Variants in DGKD observed in about 807,000 individuals in gnomAD.
The protein encoded by DGKD is diacylglycerol kinase delta, also known as DAG kinase delta.
A neutral mutation model predicts 154.4 loss-of-function variants in DGKD; 68 were observed. That is an observed-to-expected ratio of 0.44 (90% CI 0.36 to 0.54). The LOEUF is 0.54. Ranked by LOEUF, DGKD falls within the 20% of genes least tolerant of loss-of-function variation. The probability of loss-of-function intolerance (pLI) is 0.00; values close to 1 mark genes in which losing one functional copy is unlikely to be tolerated. For missense variants in DGKD, 1,343 were observed against 1,593.6 expected (o/e 0.84, Z 2.68); for synonymous variants, 693 against 638.0 (o/e 1.09, Z -1.30).
intron 3 of DGKD, among the ~76,000 whole-genome samples, chr2:233,425,652 A>G (rs546503480): frequency 2.6e-5 from 4 of 152,270 alleles, no homozygotes; most frequent in South Asian, 2.1e-4. Context: ...TCTTCCTGCA[A>G]TTGGCTTTTA....
At chr2:233,359,599 C>T (rs1225722399) in intron 1 of DGKD, among the ~76,000 whole-genome samples, 1 of 151,338 alleles carries the variant, frequency 6.6e-6, no homozygotes, top group African/African-American at 2.4e-5. Context: ...AGAGCAAATA[C>T]AAACAAATCT....
At position 233,354,679 on chromosome 2, in the gene DGKD, G is replaced by T; in HGVS notation, c.156+5G>T. On this transcript the variant is annotated splice_donor_5th_base_variant and intron_variant, in intron 1 of 29. Coordinates refer to ENST00000264057, the MANE Select transcript of DGKD (RefSeq NM_152879.3). The surrounding 1 kb of genome is among the most constrained non-coding windows in gnomAD (Gnocchi z 4.8). ...TCGGGTCAGATCCGACAGAAGGTGA[G>T]CCCGCGGCGCGGCGGCCCGGGCGCG... 1.0e-6 allele frequency: 1 copy of T among 1,002,708 alleles called. No homozygotes were observed. Among genetic ancestry groups the T allele is most frequent in the South Asian group, 3.6e-5 (1 of 27,486 alleles). The allele number at this position is 1,002,708 out of a possible 1,614,324, so 62.1% of individuals were successfully genotyped here. A position where few individuals can be genotyped will look rare whatever the true frequency, so the allele number is the denominator to read the frequency against.
At chr2:233,404,809 T>C (rs2061644403) in intron 3 of DGKD, among the ~76,000 whole-genome samples, 1 of 152,210 alleles carries the variant, frequency 6.6e-6, no homozygotes, top group Admixed American at 6.5e-5. Flanking sequence ...GGTGAACGTC[T>C]GCTGTTCCAG....
intron 19 of DGKD, 67 bp downstream of exon 19, chr2:233,454,940 CAGA>C: frequency 9.7e-7 from 1 of 1,031,742 alleles, no homozygotes; most frequent in Non-Finnish European, 1.5e-6. Context: ...CAGACAGTAG[CAGA>C]TTTCTGGAGT....
intron 2 of DGKD, among the ~76,000 whole-genome samples, chr2:233,389,794 G>C (rs1703467710): frequency 6.6e-6 from 1 of 152,156 alleles, no homozygotes; most frequent in Non-Finnish European, 1.5e-5. Context: ...GAGGGAGACG[G>C]GGGAGGTCCC....
chr2:233,360,169 C>T (rs1230820646), intron 1 of DGKD, among the ~76,000 whole-genome samples: 2 of 152,150 alleles, frequency 1.3e-5, no homozygotes, highest in South Asian at 2.1e-4. Context: ...TCTGTAGTGG[C>T]GTCTGTAGTG....
chr2:233,367,377 C>T (rs1487161555), intron 1 of DGKD, among the ~76,000 whole-genome samples: 4 of 152,124 alleles, frequency 2.6e-5, no homozygotes, highest in South Asian at 2.1e-4. Context: ...TACAGGCGCC[C>T]GCCACCATGC....
intron 1 of DGKD, among the ~76,000 whole-genome samples, chr2:233,375,552 C>T (rs543828117): frequency 3.4e-4 from 51 of 152,138 alleles, no homozygotes; most frequent in Middle Eastern, 6.8e-3. Flanking sequence ...GCAGCACTGC[C>T]GCATTGTTCT....
At position 233,467,223 on chromosome 2, in the gene DGKD, G is replaced by A. The variant is rs202245032; in HGVS notation, c.3424+20G>A. 1,648 of 1,566,682 alleles carry A rather than the reference G, an allele frequency of 1.1e-3. 2 individuals carry two copies. Among genetic ancestry groups the A allele is most frequent in the Non-Finnish European group, 1.3e-3 (1,527 of 1,136,910 alleles). ...CCCCGGGTACCTGCCTCTCTCCCGCGTGTGTTTCTGGCCGTCCACGCCTGC... is the reference window on the plus strand; with the variant it reads ...CCCCGGGTACCTGCCTCTCTCCCGCATGTGTTTCTGGCCGTCCACGCCTGC... On this transcript the variant is annotated intron_variant, in intron 28 of 29. Coordinates refer to ENST00000264057, the MANE Select transcript of DGKD (RefSeq NM_152879.3).
At chr2:233,369,392 C>T (rs1702199557) in intron 1 of DGKD, among the ~76,000 whole-genome samples, 1 of 152,126 alleles carries the variant, frequency 6.6e-6, no homozygotes, top group Non-Finnish European at 1.5e-5. Flanking sequence ...AGCTTGTTGT[C>T]TTTTAATTTC....
intron 1 of DGKD, among the ~76,000 whole-genome samples, chr2:233,387,227 C>T (rs902276605): frequency 7.9e-5 from 12 of 152,190 alleles, no homozygotes; most frequent in African/African-American, 2.2e-4. Context: ...GAAACATTTA[C>T]GTAAAGTGCA....
intron 3 of DGKD, among the ~76,000 whole-genome samples, chr2:233,415,806 T>G (rs1367616875): frequency 6.6e-6 from 1 of 152,048 alleles, no homozygotes; most frequent in Non-Finnish European, 1.5e-5. Flanking sequence ...AAATTTTTTT[T>G]GTAGAAACAG....
At chr2:233,388,004 G>A (rs838718) in intron 1 of DGKD, 297,916 of 624,484 alleles carry the variant, frequency 0.48, 72,313 homozygotes, top group African/African-American at 0.52. Context: ...TGCGTCCAGG[G>A]CACACCCTGG....
chr2:233,436,210 T>A, intron 6 of DGKD, 106 bp from the exon 7 acceptor site: 2 of 1,551,088 alleles, frequency 1.3e-6, no homozygotes, highest in Non-Finnish European at 1.7e-6. Context: ...GGAAGGAGCT[T>A]GTTCTGGGAA....
chr2:233,357,175 C>G (rs1293806931), intron 1 of DGKD, among the ~76,000 whole-genome samples: 1 of 152,190 alleles, frequency 6.6e-6, no homozygotes, highest in African/African-American at 2.4e-5. Context: ...GTGGCTGGAG[C>G]CTTGCAAGGG....
intron 24 of DGKD, 82 bp from the exon 25 acceptor site, chr2:233,462,266 C>T: frequency 8.6e-7 from 1 of 1,162,044 alleles, no homozygotes; most frequent in Non-Finnish European, 1.2e-6. Flanking sequence ...CAGGTGGTAC[C>T]TGGGCCGTGT....
At chr2:233,408,794 A>G (rs985952647) in intron 3 of DGKD, 2 of 152,282 alleles carry the variant, frequency 1.3e-5, no homozygotes, top group Non-Finnish European at 2.9e-5. Context: ...CAGGTGCAGA[A>G]GGAAGTTAAC....
intron 1 of DGKD, among the ~76,000 whole-genome samples, chr2:233,369,929 C>T (rs1300433431): frequency 6.6e-6 from 1 of 152,146 alleles, no homozygotes; most frequent in African/African-American, 2.4e-5. Context: ...GACTCTCATC[C>T]CCTGATGAAT....
At chr2:233,398,876 A>C (rs920422115) in intron 3 of DGKD, among the ~76,000 whole-genome samples, 2 of 152,260 alleles carry the variant, frequency 1.3e-5, no homozygotes, top group South Asian at 4.1e-4. Context: ...TGCCCGCTTC[A>C]GCCTCCCAAA....
Sources: gnomAD v4.1 joint callset for allele counts (sites outside exome capture counted in the v4.1 genomes callset) on GRCh38, gnomAD v4.1.1 for gene constraint, Gnocchi (gnomAD v3.1) non-coding constraint, MANE v1.5 for transcripts, NCBI Gene and HGNC (gene_info 2026-07-23, HGNC 2026-07-21) for gene names.